Variants in MME observed in about 807,000 individuals in gnomAD.
The protein encoded by MME is neprilysin.
Under a neutral mutation model 113.2 loss-of-function variants are expected in MME, and 98 were observed. The ratio of observed to expected loss-of-function variants is 0.87; its 90% CI spans 0.74 to 1.02. The LOEUF is 1.02. Ranked by LOEUF, MME falls within the 50% of genes least tolerant of loss-of-function variation. MME has a pLI of 0.00. For missense variants in MME, 836 were observed against 896.0 expected (o/e 0.93, Z 0.86); for synonymous variants, 292 against 300.6 (o/e 0.97, Z 0.30).
intron 22 of MME, among the ~76,000 whole-genome samples, chr3:155,175,881 G>T (rs1375075190): frequency 1.3e-5 from 2 of 151,966 alleles, no homozygotes; most frequent in Admixed American, 1.3e-4. Flanking sequence ...TATTAGCATT[G>T]GTTCCTGATA....
chr3:155,036,783 T>C (rs1447184112), intron 1 of MME, among the ~76,000 whole-genome samples: 1 of 152,104 alleles, frequency 6.6e-6, no homozygotes, highest in African/African-American at 2.4e-5. Flanking sequence ...TCTTCTATAG[T>C]TTGTGTATTT....
At chr3:155,115,245 TCA>T in intron 4 of MME, 90 bp downstream of exon 4, 1 of 1,477,168 alleles carries the variant, frequency 6.8e-7, no homozygotes. Flanking sequence ...ACAAGGAATG[TCA>T]CAGAAGATTA....
At position 155,142,104 on chromosome 3, in the gene MME, C is replaced by T. The variant is rs1721146839; in HGVS notation, c.1071C>T (p.Pro357=). Reference sequence around the variant, plus strand: ...CAGAATATTTAACCAAACTTAAGCCCATTCTTACCAAATATTCTGCCAGGT... The same window carrying T: ...CAGAATATTTAACCAAACTTAAGCCTATTCTTACCAAATATTCTGCCAGGT... ...YAPEYLTKLK[P]ILTKYSARDL... is the part of the protein sequence containing the mutation. The change falls in exon 11 of 23, where the codon CCC becomes CCT. Residue 357 remains proline, a synonymous_variant. Coordinates refer to ENST00000360490, the MANE Select transcript of MME (RefSeq NM_007289.4). 3.1e-6 allele frequency: 5 copies of T among 1,613,814 alleles called. No individual in the cohort carries two copies. In the East Asian group the frequency reaches 1.1e-4, roughly 36 times the overall value.
chr3:155,146,186 A>T (rs1721488478), intron 14 of MME, among the ~76,000 whole-genome samples: 1 of 152,212 alleles, frequency 6.6e-6, no homozygotes. Context: ...ATAATAAAAT[A>T]AGTAAAATAA....
At chr3:155,137,338 A>G (rs1389876920) in intron 8 of MME, among the ~76,000 whole-genome samples, 2 of 152,212 alleles carry the variant, frequency 1.3e-5, no homozygotes, top group South Asian at 4.1e-4. Flanking sequence ...AAGTGTGATT[A>G]TATTATATGA....
At chr3:155,096,346 GC>G (rs1161411615) in intron 3 of MME, among the ~76,000 whole-genome samples, 2 of 152,144 alleles carry the variant, frequency 1.3e-5, no homozygotes, top group African/African-American at 4.8e-5. Flanking sequence ...ACATTTTGGT[GC>G]CCCTGGTGTG....
At chr3:155,064,671 C>T (rs374526442) in intron 1 of MME, among the ~76,000 whole-genome samples, 12 of 152,136 alleles carry the variant, frequency 7.9e-5, no homozygotes, top group African/African-American at 2.9e-4. Flanking sequence ...AATCTTTCCC[C>T]TCAATCTACT....
intron 14 of MME, among the ~76,000 whole-genome samples, chr3:155,145,740 G>A (rs988372938): frequency 6.6e-6 from 1 of 152,106 alleles, no homozygotes; most frequent in Non-Finnish European, 1.5e-5. Context: ...TTTACCCGAA[G>A]TAATTCACAA....
Position 155,147,182 on chromosome 3 carries a change from C to T in MME, c.1455C>T (p.Asp485=), listed in dbSNP as rs775382592. 6.2e-7 allele frequency: 1 copy of T among 1,608,750 alleles called. No individual in the cohort carries two copies. The highest frequency in any genetic ancestry group is 8.5e-7 in the Non-Finnish European group (1 of 1,175,342). ...AAGAAAGGATCGGCTATCCTGATGA[C>T]ATTGTTTCAAATGATAACAAACTGA... The part of the protein sequence containing the change: ...AIKERIGYPD[D]IVSNDNKLNN... The change falls in exon 15 of 23, where the codon GAC becomes GAT. Residue 485 remains aspartate (D), a synonymous_variant. Transcript: ENST00000360490.
In MME at chr3:155,084,985, A is replaced by T. The variant is rs568769370; in HGVS notation, c.161-74A>T. On this transcript the variant is annotated intron_variant, in intron 2 of 22. Coordinates refer to ENST00000360490, the MANE Select transcript of MME (RefSeq NM_007289.4). Reference sequence around the variant, plus strand: ...ATTGCTTATTTAATTGGCAGTTTTTAAAAGAACAAAAGAAAAATAGAAATT... The same window carrying T: ...ATTGCTTATTTAATTGGCAGTTTTTTAAAGAACAAAAGAAAAATAGAAATT... The T allele has an allele frequency of 1.8e-4, 194 of 1,077,994 alleles. No homozygotes were observed. The African/African-American group carries it at 2.6e-3, about 15-fold the overall frequency. The allele number at this position is 1,077,994 out of a possible 1,614,324, so 66.8% of individuals were successfully genotyped here.
At chr3:155,061,943 G>A (rs1169566248) in intron 1 of MME, among the ~76,000 whole-genome samples, 2 of 152,176 alleles carry the variant, frequency 1.3e-5, no homozygotes, top group African/African-American at 2.4e-5. Context: ...TTACAGGCGT[G>A]AGCCACCGTG....
In MME at chr3:155,180,704, A is replaced by T. The variant is rs990010866; in HGVS notation, c.*245A>T. The stretch of plus-strand genomic sequence containing the variant: ...TGTGTACATAATGCTTAATTTCTAA[A>T]GATAATATTACTGTTTATTTCTGTT... On this transcript the variant is annotated 3_prime_UTR_variant, in exon 23 of 23. Coordinates refer to ENST00000360490, the MANE Select transcript of MME (RefSeq NM_007289.4). The T allele has an allele frequency of 4.2e-6, 2 of 472,586 alleles. No individual in the cohort carries two copies. The allele number at this position is 472,586 out of a possible 1,614,324, so 29.3% of individuals were successfully genotyped here. A position where few individuals can be genotyped will look rare whatever the true frequency, so the allele number is the denominator to read the frequency against.
At chr3:155,032,624 T>C (rs974789515) in intron 1 of MME, among the ~76,000 whole-genome samples, 3 of 152,190 alleles carry the variant, frequency 2.0e-5, no homozygotes, top group Non-Finnish European at 4.4e-5. Flanking sequence ...CAAGGTCAGA[T>C]GAACAAAAAC....
intron 15 of MME, among the ~76,000 whole-genome samples, chr3:155,148,026 C>T (rs893191355): frequency 6.6e-6 from 1 of 152,128 alleles, no homozygotes; most frequent in Non-Finnish European, 1.5e-5. Context: ...AAACCAAGTT[C>T]CTTGATTCCA....
At chr3:155,155,263 G>A (rs749419416) in intron 16 of MME, among the ~76,000 whole-genome samples, 12 of 152,058 alleles carry the variant, frequency 7.9e-5, no homozygotes, top group African/African-American at 2.7e-4. Context: ...AAAACAAAAC[G>A]AAACAAAAAT....
chr3:155,146,602 C>T (rs1721539640), intron 14 of MME, among the ~76,000 whole-genome samples: 1 of 151,802 alleles, frequency 6.6e-6, no homozygotes, highest in Admixed American at 6.6e-5. Context: ...TCGTTTTCCA[C>T]TTAACTAATT....
chr3:155,081,669 T>C (rs913483478), intron 1 of MME: 3 of 151,904 alleles, frequency 2.0e-5, no homozygotes, highest in African/African-American at 7.3e-5. Flanking sequence ...CTCTTCTCTA[T>C]GGGATTGGGT....
intron 16 of MME, among the ~76,000 whole-genome samples, chr3:155,155,984 G>A (rs1034007114): frequency 1.5e-4 from 23 of 152,170 alleles, no homozygotes; most frequent in African/African-American, 5.3e-4. Context: ...AAAGAGAAGT[G>A]GCTTCTCCCA....
chr3:155,091,816 C>A (rs745406256), intron 3 of MME, among the ~76,000 whole-genome samples: 6 of 152,122 alleles, frequency 3.9e-5, no homozygotes, highest in Non-Finnish European at 8.8e-5. Context: ...TCTTTAAGAC[C>A]ATTCAGAAAA....
Sources: gnomAD v4.1 joint callset for allele counts (sites outside exome capture counted in the v4.1 genomes callset) on GRCh38, gnomAD v4.1.1 for gene constraint, MANE v1.5 for transcripts, NCBI Gene and HGNC (gene_info 2026-07-23, HGNC 2026-07-21) for gene names.